The following SYCP1 variants were observed in gnomAD, a reference collection of about 807,000 sequenced individuals.
SYCP1 encodes the protein cancer/testis antigen 8.
In SYCP1, 64 loss-of-function variants were observed where a neutral mutation model predicts 153.1. The ratio of observed to expected loss-of-function variants is 0.42; its 90% confidence interval spans 0.34 to 0.51. The LOEUF (loss-of-function observed/expected upper bound fraction) is 0.51, where lower values mean the gene tolerates loss of function less well. Ranked by LOEUF, SYCP1 falls within the 20% of genes least tolerant of loss-of-function variation. SYCP1 has a pLI of 0.06. For missense variants in SYCP1, 997 were observed against 1,049.0 expected, an observed-to-expected ratio of 0.95 and a Z score of 0.68; for synonymous variants, 384 against 341.8, an observed-to-expected ratio of 1.12 and a Z score of -1.36.
Position 114,984,818 on chromosome 1 carries a change from G to T in SYCP1, c.2653G>T (p.Ala885Ser). Residue 885 changes from alanine (A) to serine (S), a missense_variant, in exon 30 of 32, where the codon GCC becomes TCC. By Grantham distance (99) the Ala-to-Ser change is moderately conservative. Around this residue, in one of 2 missense-constraint regions of SYCP1, gnomAD observed 712 missense variants for 682.9 expected, o/e 1.04. Coordinates refer to ENST00000369522, the MANE Select transcript of SYCP1 (RefSeq NM_003176.4). ...AGAAAGTAAAAAAAAGAGAAAAATG[G>T]CCTTTGAATTTGATATTAATTCAGA... The part of the protein sequence containing the change: ...IEESKKKRKM[A>S]FEFDINSDSS... 6.7e-7 allele frequency: 1 copy of T among 1,498,296 alleles called. No homozygotes were observed. The allele number at this position is 1,498,296 out of a possible 1,614,324, so 92.8% of individuals were successfully genotyped here. A position where few individuals can be genotyped will look rare whatever the true frequency, so the allele number is the denominator to read the frequency against.
chr1:114,901,551 A>G lies in SYCP1; in HGVS notation c.1320+6042A>G, dbSNP rs138989549. 5.4e-4 allele frequency among the ~76,000 whole-genome samples: 82 copies of G among 152,334 alleles called. 1 individual carries two copies. In the East Asian group the frequency reaches 0.012, roughly 23 times the overall value. On this transcript the variant is annotated intron_variant, in intron 16 of 31. Coordinates refer to ENST00000369522, the MANE Select transcript of SYCP1 (RefSeq NM_003176.4). ...GAAACCATAAAGGACTCATTCGCTA[A>G]GCTAGGATTGAACCTGGGGCCACCA... is the stretch of plus-strand genomic sequence containing the variant.
chr1:114,914,325 T>C (rs1668375727), intron 20 of SYCP1, among the ~76,000 whole-genome samples: 1 of 151,888 alleles, frequency 6.6e-6, no homozygotes, highest in Non-Finnish European at 1.5e-5. Flanking sequence ...TTAATCACAT[T>C]TAATAAAATA....
At chr1:114,976,164 T>C (rs1174015623) in intron 27 of SYCP1, among the ~76,000 whole-genome samples, 1 of 151,784 alleles carries the variant, frequency 6.6e-6, no homozygotes, top group African/African-American at 2.4e-5. Flanking sequence ...AAGGATGCAG[T>C]ATGTATTTGT....
Position 114,980,851 on chromosome 1 carries a change from G to A in SYCP1, c.2383-485G>A, listed in dbSNP as rs917620571. 4.0e-5 allele frequency among the ~76,000 whole-genome samples: 6 copies of A among 151,820 alleles called. No homozygotes were observed. In the South Asian group the frequency reaches 8.3e-4, roughly 21 times the overall value. ...ATATAGGTAAACTTCTGTCATGGGG[G>A]TTTGTTGTACAGATTATTTTGTCAC... On this transcript the variant is annotated intron_variant, in intron 28 of 31. Coordinates refer to ENST00000369522, the MANE Select transcript of SYCP1 (RefSeq NM_003176.4).
At chr1:114,897,423 G>GTTT in intron 16 of SYCP1, among the ~76,000 whole-genome samples, 1 of 152,252 alleles carries the variant, frequency 6.6e-6, no homozygotes, top group East Asian at 1.9e-4. Context: ...AAAATCCCAA[G>GTTT]GCCTTTTACC....
intron 20 of SYCP1, 118 bp downstream of exon 20, chr1:114,914,163 T>TGGGCTTTTCAACTTGTA: frequency 1.4e-6 from 1 of 722,694 alleles, no homozygotes; most frequent in Non-Finnish European, 2.1e-6. Context: ...AAAGTAAAAA[T>TGGGCTTTTCAACTTGTA]TAGATATAAA....
At chr1:114,871,741 GTAATATGC>G (rs1665146039) in intron 8 of SYCP1, among the ~76,000 whole-genome samples, 1 of 151,566 alleles carries the variant, frequency 6.6e-6, no homozygotes, top group Admixed American at 6.6e-5. Context: ...TTTATGTTTA[GTAATATGC>G]TAATTTTTGT....
chr1:114,882,347 T>C (rs548514098), intron 12 of SYCP1, among the ~76,000 whole-genome samples: 1 of 152,380 alleles, frequency 6.6e-6, no homozygotes, highest in East Asian at 1.9e-4. Context: ...TCTTTTTACC[T>C]GTATTGTAAT....
At chr1:114,875,116 T>TATCCA (rs1665416491) in intron 9 of SYCP1, among the ~76,000 whole-genome samples, 1 of 152,120 alleles carries the variant, frequency 6.6e-6, no homozygotes, top group South Asian at 2.1e-4. Flanking sequence ...ATTCCATATA[T>TATCCA]ATCCATCTCA....
chr1:114,913,184 T>C (rs1668296339), intron 19 of SYCP1, 34 bp downstream of exon 19: 3 of 1,537,556 alleles, frequency 2.0e-6, no homozygotes, highest in Non-Finnish European at 1.8e-6. Context: ...GTGACTTAGT[T>C]TTCTTCCAAT....
chr1:114,908,817 G>T (rs867402287), intron 16 of SYCP1, among the ~76,000 whole-genome samples: 5 of 152,080 alleles, frequency 3.3e-5, no homozygotes, highest in Non-Finnish European at 5.9e-5. Context: ...CTCACATCTT[G>T]GTTATACTGG....
intron 23 of SYCP1, among the ~76,000 whole-genome samples, chr1:114,942,673 C>T (rs1352890352): frequency 2.0e-5 from 3 of 151,926 alleles, no homozygotes; most frequent in Non-Finnish European, 2.9e-5. Context: ...TACATACAAA[C>T]ACAAATTCCT....
At chr1:114,955,093 A>C (rs1016617189) in intron 27 of SYCP1, among the ~76,000 whole-genome samples, 1 of 152,238 alleles carries the variant, frequency 6.6e-6, no homozygotes, top group African/African-American at 2.4e-5. Context: ...TAATTTAATT[A>C]GAGTTTTTAA....
chr1:114,894,677 C>G (rs937644497), intron 15 of SYCP1, among the ~76,000 whole-genome samples: 7 of 151,784 alleles, frequency 4.6e-5, no homozygotes, highest in Non-Finnish European at 8.8e-5. Context: ...AGTGCAAAAT[C>G]AAAGAGGAAA....
intron 15 of SYCP1, among the ~76,000 whole-genome samples, chr1:114,894,743 T>C (rs1350393124): frequency 1.3e-5 from 2 of 152,112 alleles, no homozygotes; most frequent in Non-Finnish European, 2.9e-5. Context: ...TGATGAAGAC[T>C]TAAGAATTGT....
intron 27 of SYCP1, among the ~76,000 whole-genome samples, chr1:114,969,649 C>A (rs377725087): frequency 1.3e-5 from 2 of 152,214 alleles, no homozygotes; most frequent in South Asian, 4.2e-4. Flanking sequence ...TCCAGGGGAG[C>A]GAACAGTTCT....
chr1:114,920,178 T>A (rs1421226777), intron 20 of SYCP1, among the ~76,000 whole-genome samples: 1 of 152,104 alleles, frequency 6.6e-6, no homozygotes, highest in African/African-American at 2.4e-5. Flanking sequence ...GTATGTTATC[T>A]TTCTATTATC....
rs573849905 is a variant in SYCP1 at position 114,887,777 on chromosome 1, T to C, written c.1258+84T>C. The C allele has an allele frequency of 2.1e-5, 18 of 877,520 alleles. No homozygotes were observed. The African/African-American group carries it at 3.0e-4, about 15-fold the overall frequency. 54.4% of individuals were successfully genotyped at this position (877,520 alleles called of 1,614,324 possible). ...AACACTGTTTTGAAATAAAATATAA[T>C]TTCCCCTCTGTCATTTGCCAGTAGA... On this transcript the variant is annotated intron_variant, in intron 15 of 31. Coordinates refer to ENST00000369522, the MANE Select transcript of SYCP1 (RefSeq NM_003176.4).
At chr1:114,981,649 C>T (rs955471471) in intron 29 of SYCP1, 137 bp downstream of exon 29, 22 of 787,198 alleles carry the variant, frequency 2.8e-5, no homozygotes, top group Non-Finnish European at 4.0e-5. Flanking sequence ...GTGGTATCAG[C>T]ATGAAATGTA....
Sources: allele counts gnomAD v4.1 joint callset (sites outside exome capture counted in the v4.1 genomes callset), GRCh38; gene constraint gnomAD v4.1.1; regional missense constraint gnomAD v4.1.1; transcripts MANE v1.5; gene names NCBI Gene and HGNC (gene_info 2026-07-23, HGNC 2026-07-21).